Variants in MYRIP observed in about 807,000 individuals in gnomAD.
The protein encoded by MYRIP is rab effector MyRIP.
In MYRIP, 49 loss-of-function variants were observed where a neutral mutation model predicts 98.0. The ratio of observed to expected loss-of-function variants is 0.50; its 90% confidence interval spans 0.40 to 0.63. MYRIP has a LOEUF of 0.63. MYRIP is among the 30% of genes least tolerant of loss of function. The pLI is 0.00. For missense variants in MYRIP, 1,004 were observed against 1,058.2 expected (o/e 0.95, Z 0.71); for synonymous variants, 404 against 409.5 (o/e 0.99, Z 0.16).
intron 1 of MYRIP, among the ~76,000 whole-genome samples, chr3:39,832,705 A>G (rs1173609885): frequency 1.3e-5 from 2 of 152,224 alleles, no homozygotes; most frequent in East Asian, 3.8e-4. Flanking sequence ...AGTGCCCCCA[A>G]TGAACACACA....
intron 3 of MYRIP, among the ~76,000 whole-genome samples, chr3:40,140,771 T>G (rs1949875905): frequency 6.6e-6 from 1 of 152,154 alleles, no homozygotes; most frequent in Non-Finnish European, 1.5e-5. Flanking sequence ...TTTTTTAAAA[T>G]TTTTTGTGGG....
chr3:40,168,407 T>C (rs1031147539), intron 7 of MYRIP, among the ~76,000 whole-genome samples: 2 of 152,234 alleles, frequency 1.3e-5, no homozygotes, highest in Non-Finnish European at 2.9e-5. Context: ...CATTAGCCTA[T>C]AACTGGGCAG....
At chr3:39,942,724 C>T (rs944289618) in intron 2 of MYRIP, among the ~76,000 whole-genome samples, 1 of 151,912 alleles carries the variant, frequency 6.6e-6, no homozygotes, top group African/African-American at 2.4e-5. Flanking sequence ...CTATAGTCAC[C>T]CTATTGATCT....
At chr3:39,966,075 A>T (rs1328103738) in intron 2 of MYRIP, among the ~76,000 whole-genome samples, 1 of 152,154 alleles carries the variant, frequency 6.6e-6, no homozygotes, top group Non-Finnish European at 1.5e-5. Flanking sequence ...TAAGGCAGAC[A>T]GGTGGCTACT....
At chr3:39,855,215 G>T (rs1942249584) in intron 1 of MYRIP, among the ~76,000 whole-genome samples, 1 of 152,156 alleles carries the variant, frequency 6.6e-6, no homozygotes, top group Non-Finnish European at 1.5e-5. Flanking sequence ...TCTTCTTCCT[G>T]GGGTCAGGTT....
chr3:39,958,311 G>C (rs575935545), intron 2 of MYRIP, among the ~76,000 whole-genome samples: 1 of 152,110 alleles, frequency 6.6e-6, no homozygotes, highest in Non-Finnish European at 1.5e-5. Context: ...AAACAGCATG[G>C]TACTGGTACC....
At chr3:40,034,024 G>C (rs935476705) in intron 2 of MYRIP, among the ~76,000 whole-genome samples, 45 of 152,210 alleles carry the variant, frequency 3.0e-4, no homozygotes, top group African/African-American at 1.1e-3. Flanking sequence ...GCCATATGTA[G>C]AAAGCTGAAA....
In MYRIP at chr3:39,954,935, T is replaced by A. The variant is rs1035145051; in HGVS notation, c.110+54009T>A. On this transcript the variant is annotated intron_variant, in intron 2 of 16. Transcript: ENST00000302541. ...AAGAAAGGGTATCAGTGATTGAAGA[T>A]CAAATTAATAAAGTGAAGCAAGAAG... Among the ~76,000 whole-genome samples, 4 of 151,034 alleles carry A rather than the reference T, an allele frequency of 2.6e-5. 1 individual carries two copies. Among genetic ancestry groups the A allele is most frequent in the Non-Finnish European group, 4.4e-5 (3 of 67,822 alleles).
At chr3:40,184,063 T>C (rs531817212) in intron 9 of MYRIP, among the ~76,000 whole-genome samples, 95 of 152,358 alleles carry the variant, frequency 6.2e-4, no homozygotes, top group African/African-American at 2.2e-3. Flanking sequence ...GATCGTTTCT[T>C]TACTTATGTA....
intron 2 of MYRIP, among the ~76,000 whole-genome samples, chr3:39,985,727 A>C (rs2125765008): frequency 6.6e-6 from 1 of 151,882 alleles, no homozygotes; most frequent in South Asian, 2.1e-4. Flanking sequence ...CTATTTAATA[A>C]ATGGTGCTGG....
At chr3:39,861,388 A>G (rs890735984) in intron 1 of MYRIP, among the ~76,000 whole-genome samples, 2 of 152,228 alleles carry the variant, frequency 1.3e-5, no homozygotes, top group South Asian at 2.1e-4. Flanking sequence ...GCCCACAAAG[A>G]TGTGAAAGAA....
intron 11 of MYRIP, among the ~76,000 whole-genome samples, chr3:40,231,338 C>T (rs1222559948): frequency 6.6e-6 from 1 of 152,198 alleles, no homozygotes; most frequent in Non-Finnish European, 1.5e-5. Flanking sequence ...CAAAGGCATG[C>T]GTGAGGGCAG....
At chr3:40,008,444 T>C (rs574580418) in intron 2 of MYRIP, among the ~76,000 whole-genome samples, 1 of 152,328 alleles carries the variant, frequency 6.6e-6, no homozygotes, top group African/African-American at 2.4e-5. Flanking sequence ...GTATTTTCTG[T>C]ATTAAACTTT....
intron 1 of MYRIP, among the ~76,000 whole-genome samples, chr3:39,816,629 G>A (rs1446853027): frequency 6.6e-6 from 1 of 152,182 alleles, no homozygotes; most frequent in Non-Finnish European, 1.5e-5. Context: ...GGAGTCCTGA[G>A]GAGGAGGCTT....
chr3:39,941,957 G>A (rs1157940889), intron 2 of MYRIP, among the ~76,000 whole-genome samples: 1 of 152,096 alleles, frequency 6.6e-6, no homozygotes, highest in Non-Finnish European at 1.5e-5. Context: ...CCCATTCAAT[G>A]TTTGCTCACT....
rs1476550420 is a variant in MYRIP at position 40,259,393 on chromosome 3, G to C, written c.*1227G>C. ...AGAAGGTAAAAGAAAGGAGGCAAGA[G>C]AATAGTTATGATGAATATGTGTTAA... is the stretch of plus-strand genomic sequence containing the variant. On this transcript the variant is annotated 3_prime_UTR_variant, in exon 17 of 17. Coordinates refer to ENST00000302541, the MANE Select transcript of MYRIP (RefSeq NM_015460.4). The C allele has an allele frequency of 1.3e-5, 2 of 152,222 alleles. No homozygotes were observed. Among genetic ancestry groups the C allele is most frequent in the African/African-American group, 4.8e-5 (2 of 41,456 alleles). The allele number at this position is 152,222 out of a possible 1,614,324, so 9.4% of individuals were successfully genotyped here.
chr3:39,952,132 A>G (rs1223015670), intron 2 of MYRIP, among the ~76,000 whole-genome samples: 1 of 152,180 alleles, frequency 6.6e-6, no homozygotes, highest in Non-Finnish European at 1.5e-5. Flanking sequence ...GAAATTTCAT[A>G]TGTATAGGAT....
In MYRIP at chr3:39,861,116, A is replaced by G. The variant is rs563690138; in HGVS notation, c.-30-39671A>G. Among the ~76,000 whole-genome samples, 211 of 152,336 alleles carry G rather than the reference A, an allele frequency of 1.4e-3. 1 individual carries two copies. The highest frequency in any genetic ancestry group is 4.9e-3 in the African/African-American group (205 of 41,590). On this transcript the variant is annotated intron_variant, in intron 1 of 16. Coordinates refer to ENST00000302541, the MANE Select transcript of MYRIP (RefSeq NM_015460.4). ...GGGTGTTGTGACCAGTGGTCCAGGAACATGTTGGCGTCTTCAGTGCAGCAG... is the reference window on the plus strand; with the variant it reads ...GGGTGTTGTGACCAGTGGTCCAGGAGCATGTTGGCGTCTTCAGTGCAGCAG...
At position 39,900,864 on chromosome 3, in the gene MYRIP, G is replaced by C. The variant is rs769578941; in HGVS notation, c.48G>C (p.Glu16Asp). 1 of 1,613,772 alleles carries C rather than the reference G, an allele frequency of 6.2e-7. No homozygotes were observed. The highest frequency in any genetic ancestry group is 1.3e-5 in the African/African-American group (1 of 74,912). Residue 16 changes from glutamate to aspartate, a missense_variant, in exon 2 of 17, where the codon GAG (glutamate) becomes GAC (aspartate). Glu to Asp is a conservative substitution (Grantham distance 45). Around this residue, in one of 3 missense-constraint regions of MYRIP, gnomAD observed 880 missense variants for 907.7 expected, o/e 0.97. Transcript: ENST00000302541. ...DLSGLTDDET[E>D]HVLQVVQRDF... ...CTGGTTTGACTGATGATGAAACAGA[G>C]CATGTTCTTCAGGTGGTTCAAAGAG...
Sources: allele counts gnomAD v4.1 joint callset (sites outside exome capture counted in the v4.1 genomes callset), GRCh38; gene constraint gnomAD v4.1.1; regional missense constraint gnomAD v4.1.1; transcripts MANE v1.5; gene names NCBI Gene and HGNC (gene_info 2026-07-23, HGNC 2026-07-21).